TMEM248: variants seen among roughly 807,000 people sequenced by gnomAD.
TMEM248 encodes UPF0458 protein C7orf42.
Under a neutral mutation model 30.3 loss-of-function variants are expected in TMEM248, and 9 were observed. That is an observed-to-expected ratio of 0.30 (90% confidence interval 0.18 to 0.52). The LOEUF is 0.52. Ranked by LOEUF, TMEM248 falls within the 20% of genes least tolerant of loss-of-function variation. TMEM248 has a pLI of 0.97. For missense variants in TMEM248, 338 were observed against 403.3 expected (o/e 0.84, Z 1.39); for synonymous variants, 184 against 154.4 (o/e 1.19, Z -1.42).
At chr7:66,946,099 AAG>A (rs1491575012) in intron 3 of TMEM248, among the ~76,000 whole-genome samples, 2 of 151,324 alleles carry the variant, frequency 1.3e-5, no homozygotes, top group Non-Finnish European at 2.9e-5. Flanking sequence ...AAAAAAAAAA[AAG>A]AAGTCAGCTG....
intron 5 of TMEM248, 57 bp downstream of exon 5, chr7:66,951,192 G>T: frequency 6.9e-7 from 1 of 1,445,564 alleles, no homozygotes; most frequent in Admixed American, 2.5e-5. Context: ...ACATGTGTGC[G>T]CATGTGCTGC....
chr7:66,923,207 G>A (rs1048835343), intron 1 of TMEM248, among the ~76,000 whole-genome samples: 2 of 151,728 alleles, frequency 1.3e-5, no homozygotes, highest in African/African-American at 2.4e-5. Flanking sequence ...GTGCAGTGGC[G>A]CGAAGTTAGC....
At chr7:66,943,993 C>G (rs10241528) in intron 2 of TMEM248, among the ~76,000 whole-genome samples, 18,019 of 151,924 alleles carry the variant, frequency 0.12, 1,247 homozygotes, top group East Asian at 0.2. Flanking sequence ...CAAGGTTTCA[C>G]CATGTTATCC....
intron 1 of TMEM248, among the ~76,000 whole-genome samples, chr7:66,936,507 G>A (rs1281902387): frequency 6.6e-6 from 1 of 151,966 alleles, no homozygotes; most frequent in African/African-American, 2.4e-5. Context: ...ATATCTGCCT[G>A]TAGTTTTCCT....
At position 66,953,295 on chromosome 7, in the gene TMEM248, A is replaced by G. The variant is rs1444244375; in HGVS notation, c.850A>G (p.Met284Val). Residue 284 changes from methionine (M) to valine (V), a missense_variant, in exon 6 of 7, where the codon ATG (methionine) becomes GTG (valine). Transcript: ENST00000341567. ...SYFLFVMVIT[M>V]FCYAVIKGRP... ...CTTCCTCTTTGTGATGGTGATAACA[A>G]TGTTTTGCTATGCTGTTATCAAGGG... 6.2e-6 allele frequency: 10 copies of G among 1,614,136 alleles called. No homozygotes were observed. The highest frequency in any genetic ancestry group is 1.7e-5 in the Admixed American group (1 of 60,012).
intron 3 of TMEM248, among the ~76,000 whole-genome samples, chr7:66,946,205 TG>T (rs1337752588): frequency 6.6e-6 from 1 of 150,914 alleles, no homozygotes; most frequent in African/African-American, 2.4e-5. Context: ...GAGGTTGCGG[TG>T]AGCCGAGATT....
At chr7:66,947,154 A>G (rs1370930125) in intron 3 of TMEM248, among the ~76,000 whole-genome samples, 10 of 150,610 alleles carry the variant, frequency 6.6e-5, no homozygotes, top group Non-Finnish European at 1.5e-4. Flanking sequence ...GGTCGAGGCT[A>G]CAGTGAGCTA....
At chr7:66,947,592 G>A (rs886523292) in intron 3 of TMEM248, among the ~76,000 whole-genome samples, 5 of 152,066 alleles carry the variant, frequency 3.3e-5, no homozygotes, top group Non-Finnish European at 5.9e-5. Context: ...AGTGGAGACA[G>A]GATTTTACCA....
chr7:66,932,774 C>T (rs1316257553), intron 1 of TMEM248, among the ~76,000 whole-genome samples: 2 of 151,144 alleles, frequency 1.3e-5, no homozygotes, highest in African/African-American at 4.8e-5. Flanking sequence ...CCTCAGCCTC[C>T]CAAAGTGCTA....
intron 1 of TMEM248, among the ~76,000 whole-genome samples, chr7:66,925,553 C>T (rs1488172909): frequency 1.3e-5 from 2 of 152,072 alleles, no homozygotes; most frequent in Non-Finnish European, 2.9e-5. Context: ...CTTAGTATAA[C>T]GTTCATCGCT....
Position 66,951,042 on chromosome 7 carries a change from C to T in TMEM248, c.687C>T (p.Tyr229=), listed in dbSNP as rs1169318386. The T allele has an allele frequency of 7.4e-6, 12 of 1,613,142 alleles. No homozygotes were observed. In the South Asian group the frequency reaches 9.9e-5, roughly 13 times the overall value. ...FTTARDANTK[Y]AQDYNPFWCY... ...CTGCCAGAGATGCCAACACAAAATACGCCCAAGATTACAATCCTTTCTGGT... is the reference window on the plus strand; with the variant it reads ...CTGCCAGAGATGCCAACACAAAATATGCCCAAGATTACAATCCTTTCTGGT... The change falls in exon 5 of 7, where the codon TAC becomes TAT. Residue 229 remains tyrosine, a synonymous_variant. Coordinates refer to ENST00000341567, the MANE Select transcript of TMEM248 (RefSeq NM_017994.5).
At chr7:66,924,919 CA>C (rs1297842259) in intron 1 of TMEM248, among the ~76,000 whole-genome samples, 1 of 151,328 alleles carries the variant, frequency 6.6e-6, no homozygotes, top group Admixed American at 6.6e-5. Context: ...CCATGTTGGT[CA>C]GGCTGGTTTT....
intron 1 of TMEM248, among the ~76,000 whole-genome samples, chr7:66,941,536 C>T (rs1333069813): frequency 3.3e-5 from 5 of 149,894 alleles, no homozygotes; most frequent in Non-Finnish European, 5.9e-5. Context: ...GCCTGGGTGA[C>T]AGAACGAGAG....
intron 1 of TMEM248, among the ~76,000 whole-genome samples, chr7:66,921,691 C>T (rs997897354): frequency 6.6e-6 from 1 of 152,222 alleles, no homozygotes; most frequent in African/African-American, 2.4e-5. Context: ...AGCCAGGGTT[C>T]CCTGCCGGCC....
intron 1 of TMEM248, among the ~76,000 whole-genome samples, chr7:66,923,592 G>T (rs943177760): frequency 6.6e-6 from 1 of 152,194 alleles, no homozygotes; most frequent in African/African-American, 2.4e-5. Flanking sequence ...AGAAATATTG[G>T]CAGAGGCAGC....
rs552056902 is a variant in TMEM248, at chr7:66,955,796, G to A, written c.*274G>A. ...GACCTACCTGATGGGACGTTTCCAC[G>A]TGTCTCTAGAGAAGGATTCCTGGAT... On this transcript the variant is annotated 3_prime_UTR_variant, in exon 7 of 7. Coordinates refer to ENST00000341567, the MANE Select transcript of TMEM248 (RefSeq NM_017994.5). The A allele has an allele frequency of 4.1e-5, 18 of 443,782 alleles. No individual in the cohort carries two copies. The highest frequency in any genetic ancestry group is 2.5e-4 in the Admixed American group (6 of 24,276). 27.5% of individuals were successfully genotyped at this position (443,782 alleles called of 1,614,324 possible).
Position 66,951,068 on chromosome 7 carries a change from G to A in TMEM248, c.713G>A (p.Cys238Tyr). The stretch of plus-strand genomic sequence containing the variant: ...GCCCAAGATTACAATCCTTTCTGGT[G>A]TTATAAGGGGGCCATTGGAAAAGTC... Reference protein sequence around the residue: ...KYAQDYNPFWCYKGAIGKVYH... With the variant: ...KYAQDYNPFWYYKGAIGKVYH... The change falls in exon 5 of 7, where the codon TGT (cysteine) becomes TAT (tyrosine). Residue 238 changes from cysteine to tyrosine, a missense_variant. Transcript: ENST00000341567. 1.9e-6 allele frequency: 3 copies of A among 1,611,274 alleles called. No individual in the cohort carries two copies. The highest frequency in any genetic ancestry group is 2.2e-5 in the East Asian group (1 of 44,768).
intron 1 of TMEM248, among the ~76,000 whole-genome samples, chr7:66,941,563 C>A (rs1312885639): frequency 1.5e-5 from 1 of 64,678 alleles, no homozygotes; most frequent in Non-Finnish European, 3.0e-5. Context: ...TTTCTTAAAA[C>A]ACACACACAC....
At chr7:66,939,578 T>G (rs954151176) in intron 1 of TMEM248, among the ~76,000 whole-genome samples, 2 of 152,244 alleles carry the variant, frequency 1.3e-5, no homozygotes, top group Non-Finnish European at 1.5e-5. Context: ...CTCGTGTTTA[T>G]AAGTGCTCAT....
Sources: gnomAD v4.1 joint callset for allele counts (sites outside exome capture counted in the v4.1 genomes callset) on GRCh38, gnomAD v4.1.1 for gene constraint, MANE v1.5 for transcripts, NCBI Gene and HGNC (gene_info 2026-07-23, HGNC 2026-07-21) for gene names.